Variants in CACNA1C observed in about 807,000 individuals in gnomAD.
CACNA1C encodes calcium voltage-gated channel subunit alpha1 C, also known as voltage-dependent L-type calcium channel subunit alpha-1C.
CACNA1C carries 30 observed loss-of-function variants against 229.0 expected under a neutral mutation model. The ratio of observed to expected loss-of-function variants is 0.13; its 90% CI spans 0.10 to 0.18. CACNA1C has a LOEUF of 0.18. Among genes scored for constraint, CACNA1C ranks in the 10% least tolerant of loss-of-function variants. The pLI, the probability that CACNA1C is intolerant of heterozygous loss-of-function variation, is 1.00. For missense variants in CACNA1C, 1,658 were observed against 2,845.0 expected, an observed-to-expected ratio of 0.58 and a Z score of 9.49; for synonymous variants, 1,114 against 1,132.5, an observed-to-expected ratio of 0.98 and a Z score of 0.33.
chr12:2,172,138 C>T (rs986565513), intron 3 of CACNA1C, among the ~76,000 whole-genome samples: 4 of 152,218 alleles, frequency 2.6e-5, no homozygotes, highest in African/African-American at 9.6e-5. Flanking sequence ...GCCACCCTAA[C>T]GACTGCAGTC....
At chr12:2,261,424 T>C (rs970810110) in intron 3 of CACNA1C, among the ~76,000 whole-genome samples, 5 of 152,254 alleles carry the variant, frequency 3.3e-5, no homozygotes, top group East Asian at 1.9e-4. Context: ...CAGTGTGTTA[T>C]GGTATCACAT....
intron 11 of CACNA1C, among the ~76,000 whole-genome samples, chr12:2,565,379 A>C (rs12812569): frequency 0.62 from 93,075 of 150,950 alleles, 31,057 homozygotes; most frequent in South Asian, 0.73. Flanking sequence ...AGGCAGGAGA[A>C]TGGCGTGAAC....
intron 3 of CACNA1C, among the ~76,000 whole-genome samples, chr12:2,327,004 T>C (rs1259731510): frequency 1.3e-5 from 2 of 152,152 alleles, no homozygotes; most frequent in Admixed American, 6.5e-5. Context: ...CTTGCCTCCT[T>C]CTTCCTCTGC....
At chr12:2,109,942 C>T (rs2080992032) in intron 1 of CACNA1C, among the ~76,000 whole-genome samples, 2 of 152,192 alleles carry the variant, frequency 1.3e-5, no homozygotes, top group Admixed American at 6.5e-5. Context: ...CACTGTAGTC[C>T]ACCTTCACCT....
chr12:2,295,287 T>A (rs1311703348), intron 3 of CACNA1C, among the ~76,000 whole-genome samples: 1 of 152,210 alleles, frequency 6.6e-6, no homozygotes, highest in Non-Finnish European at 1.5e-5. Context: ...ATTCATGTCA[T>A]GCCGCTTCTC....
chr12:2,113,765 G>A (rs568895712), intron 1 of CACNA1C, among the ~76,000 whole-genome samples: 282 of 152,338 alleles, frequency 1.9e-3, no homozygotes, highest in Non-Finnish European at 3.3e-3. Context: ...GTTTGGGCCA[G>A]GCTGAGCTGA....
rs533522917 is a variant in CACNA1C at position 2,370,730 on chromosome 12, C to T, written c.478-78246C>T. Among the ~76,000 whole-genome samples the T allele has an allele frequency of 2.0e-5, 3 of 152,232 alleles. No individual in the cohort carries two copies. The East Asian group carries it at 5.8e-4, about 29-fold the overall frequency. On this transcript the variant is annotated intron_variant, in intron 3 of 46. Coordinates refer to ENST00000399655, the MANE Select transcript of CACNA1C (RefSeq NM_000719.7). ...TATTAGAAATGCTAAGTTATGGGCT[C>T]AGCCTCAAAAAATAGGAATGAAAGA...
At chr12:2,065,585 C>G (rs766223742) in intron 1 of CACNA1C, among the ~76,000 whole-genome samples, 6 of 152,122 alleles carry the variant, frequency 3.9e-5, no homozygotes, top group Admixed American at 3.9e-4. Context: ...AGATTTATGC[C>G]TAGACACACA....
intron 3 of CACNA1C, among the ~76,000 whole-genome samples, chr12:2,122,344 G>A (rs1300709482): frequency 1.3e-5 from 2 of 152,202 alleles, no homozygotes; most frequent in Non-Finnish European, 2.9e-5. Flanking sequence ...AAAAGCTGCA[G>A]ATGACTTCTC....
chr12:2,169,745 G>T (rs1275053304), intron 3 of CACNA1C, among the ~76,000 whole-genome samples: 1 of 152,210 alleles, frequency 6.6e-6, no homozygotes, highest in Non-Finnish European at 1.5e-5. Flanking sequence ...TGAGGGCATT[G>T]TGAGGCCTTT....
chr12:2,246,353 G>A (rs2073218699), intron 3 of CACNA1C, among the ~76,000 whole-genome samples: 1 of 152,188 alleles, frequency 6.6e-6, no homozygotes, highest in Non-Finnish European at 1.5e-5. Context: ...GAGCAGGAAA[G>A]TAATCTGCTG....
chr12:2,158,520 C>G (rs1425394678), intron 3 of CACNA1C, among the ~76,000 whole-genome samples: 3 of 151,784 alleles, frequency 2.0e-5, no homozygotes, highest in Non-Finnish European at 4.4e-5. Flanking sequence ...GAGCAAGACT[C>G]TGTCTCAAAG....
chr12:2,105,057 G>A (rs1292124851), intron 1 of CACNA1C, among the ~76,000 whole-genome samples: 1 of 152,190 alleles, frequency 6.6e-6, no homozygotes, highest in Non-Finnish European at 1.5e-5. Flanking sequence ...CATCGCAGGT[G>A]GTTTGCTTCC....
chr12:2,651,840 AAGG>A lies in CACNA1C; in HGVS notation c.4074+78_4074+80del. The A allele has an allele frequency of 8.0e-7, 1 of 1,244,690 alleles. No homozygotes were observed. Among genetic ancestry groups the A allele is most frequent in the Non-Finnish European group, 1.1e-6 (1 of 896,488 alleles). The allele number at this position is 1,244,690 out of a possible 1,614,324, so 77.1% of individuals were successfully genotyped here. A position where few individuals can be genotyped will look rare whatever the true frequency, so the allele number is the denominator to read the frequency against. On this transcript the variant is annotated intron_variant, in intron 32 of 46. Transcript: ENST00000399655. The surrounding 1 kb of genome is among the most constrained non-coding windows in gnomAD (Gnocchi z 5.4). ...GCGTGGCCCAGAACACAGCTGACACAAGGAGGAGCCCTCCACTCTGGGGCCCTG... is the reference window on the plus strand; with the variant it reads ...GCGTGGCCCAGAACACAGCTGACACAAGGAGCCCTCCACTCTGGGGCCCTG...
At chr12:2,200,931 G>T (rs2097564260) in intron 3 of CACNA1C, among the ~76,000 whole-genome samples, 1 of 152,180 alleles carries the variant, frequency 6.6e-6, no homozygotes, top group African/African-American at 2.4e-5. Flanking sequence ...TCACTCTGGG[G>T]CTTGAATGTG....
chr12:2,386,802 A>C (rs536090427), intron 3 of CACNA1C, among the ~76,000 whole-genome samples: 2 of 152,332 alleles, frequency 1.3e-5, no homozygotes, highest in East Asian at 3.9e-4. Flanking sequence ...CAGCACCAGC[A>C]TAGTAGATGC....
At position 2,054,844 on chromosome 12, in the gene CACNA1C, C is replaced by G. The variant is rs554485779; in HGVS notation, c.49+1233C>G. ...GTCTCTGTTCCTTCCCTGGGTTCTTCCCAGTGATCCTCTGAAGACCAGCCT... is the reference window on the plus strand; with the variant it reads ...GTCTCTGTTCCTTCCCTGGGTTCTTGCCAGTGATCCTCTGAAGACCAGCCT... On this transcript the variant is annotated intron_variant, in intron 1 of 46. Transcript: ENST00000399655. This position sits in a 1 kb window ranked among gnomAD's most constrained non-coding sequence, Gnocchi z 5.5. 6.6e-6 allele frequency among the ~76,000 whole-genome samples: 1 copy of G among 152,252 alleles called. No individual in the cohort carries two copies. The highest frequency in any genetic ancestry group is 2.1e-4 in the South Asian group (1 of 4,832).
At chr12:2,573,662 A>C (rs1185771344) in intron 13 of CACNA1C, among the ~76,000 whole-genome samples, 1 of 152,190 alleles carries the variant, frequency 6.6e-6, no homozygotes, top group East Asian at 1.9e-4. Context: ...ATGGTTCTTC[A>C]CCCTGAGGTC....
chr12:2,226,242 C>T (rs934477374), intron 3 of CACNA1C, among the ~76,000 whole-genome samples: 3 of 151,838 alleles, frequency 2.0e-5, no homozygotes, highest in Non-Finnish European at 4.4e-5. Flanking sequence ...TTGTGTTTCT[C>T]TTATAGTTTA....
Sources: gnomAD v4.1 joint callset for allele counts (sites outside exome capture counted in the v4.1 genomes callset) on GRCh38, gnomAD v4.1.1 for gene constraint, Gnocchi (gnomAD v3.1) non-coding constraint, MANE v1.5 for transcripts, NCBI Gene and HGNC (gene_info 2026-07-23, HGNC 2026-07-21) for gene names.